The following MBNL2 variants were observed in gnomAD, a reference collection of about 807,000 sequenced individuals.
MBNL2 encodes the protein muscleblind-like protein 2.
A neutral mutation model predicts 41.9 loss-of-function variants in MBNL2; 17 were observed. That is an observed-to-expected ratio of 0.41 (90% CI 0.28 to 0.61). The LOEUF is 0.61. MBNL2 is among the 20% of genes least tolerant of loss of function. The pLI is 0.35. For synonymous variants in MBNL2, 195 were observed against 182.9 expected (o/e 1.07, Z -0.53); for missense variants, 336 against 505.6 (o/e 0.66, Z 3.22).
At chr13:97,150,564 CA>C in the MBNL2 span, among the ~76,000 whole-genome samples, 1 of 152,168 alleles carries the variant, frequency 6.6e-6, no homozygotes, top group East Asian at 1.9e-4. Flanking sequence ...TATAGTCAGG[CA>C]AATGCTTACC....
chr13:97,276,537 T>C lies in MBNL2; in HGVS notation c.174+128T>C, dbSNP rs1431484900. 4.5e-6 allele frequency: 4 copies of C among 891,558 alleles called. No homozygotes were observed. In the Admixed American group the frequency reaches 9.9e-5, roughly 22 times the overall value. 55.2% of individuals were successfully genotyped at this position (891,558 alleles called of 1,614,324 possible). ...TCTATTTTCTTGTTTGTGGTGACTG[T>C]TGGGAGATTTTTCACTCAAATTTTT... On this transcript the variant is annotated intron_variant, in intron 2 of 8. Transcript: ENST00000679496.
chr13:97,211,048 G>A, the MBNL2 span, among the ~76,000 whole-genome samples: 1 of 152,126 alleles, frequency 6.6e-6, no homozygotes, highest in Non-Finnish European at 1.5e-5. Context: ...AACATTTGAT[G>A]CATGATCTGA....
intron 1 of MBNL2, among the ~76,000 whole-genome samples, chr13:97,271,126 G>GTTT (rs796072734): frequency 8.8e-6 from 1 of 114,104 alleles, no homozygotes; most frequent in Non-Finnish European, 1.9e-5. Context: ...TTTTTTTTTT[G>GTTT]TTTTTTTTTT....
rs398070410 is a variant in MBNL2, at chr13:97,291,917, A to AAT, written c.174+15508_174+15509insAT. Among the ~76,000 whole-genome samples, 2 of 125,312 alleles carry AAT rather than the reference A, an allele frequency of 1.6e-5. 1 individual carries two copies. The highest frequency in any genetic ancestry group is 6.2e-5 in the African/African-American group (2 of 32,456). 82.2% of individuals were successfully genotyped at this position (125,312 alleles called of 152,430 possible). A position where few individuals can be genotyped will look rare whatever the true frequency, so the allele number is the denominator to read the frequency against. On this transcript the variant is annotated intron_variant, in intron 2 of 8. Transcript: ENST00000679496. ...CTCCGTCTCAAAAAAAAAAAAAAAA[A>AAT]GTGGGCTGGGTGCGGTGGCTCACGC... is the stretch of plus-strand genomic sequence containing the variant.
intron 2 of MBNL2, among the ~76,000 whole-genome samples, chr13:97,311,668 T>TTA (rs1555313043): frequency 2.6e-5 from 4 of 151,104 alleles, no homozygotes; most frequent in African/African-American, 9.7e-5. Context: ...CTTTTTTTTT[T>TTA]AAAAAAAAAC....
At chr13:97,311,304 T>C (rs1009274969) in intron 2 of MBNL2, among the ~76,000 whole-genome samples, 7 of 152,120 alleles carry the variant, frequency 4.6e-5, no homozygotes, top group Non-Finnish European at 1.0e-4. Context: ...ATCGGCTCCA[T>C]AAGAACAATC....
chr13:97,146,205 G>A, the MBNL2 span, among the ~76,000 whole-genome samples: 1 of 147,920 alleles, frequency 6.8e-6, no homozygotes, highest in African/African-American at 2.5e-5. Context: ...GTTTCACCAT[G>A]TTGGCTGGGA....
intron 2 of MBNL2, among the ~76,000 whole-genome samples, chr13:97,287,687 T>G (rs2054768935): frequency 6.8e-6 from 1 of 147,184 alleles, no homozygotes; most frequent in African/African-American, 2.6e-5. Context: ...ATTATTATGT[T>G]TATTTCTTTC....
At chr13:97,213,608 G>T in the MBNL2 span, among the ~76,000 whole-genome samples, 9 of 151,922 alleles carry the variant, frequency 5.9e-5, no homozygotes, top group African/African-American at 2.2e-4. Flanking sequence ...ATCTCACTTT[G>T]GGGATCATGT....
chr13:97,243,515 T>C (rs1035174344), intron 1 of MBNL2, among the ~76,000 whole-genome samples: 1 of 151,990 alleles, frequency 6.6e-6, no homozygotes, highest in Admixed American at 6.6e-5. Flanking sequence ...CTGGTCATGA[T>C]TTTCCAACAA....
chr13:97,383,747 C>T, intron 8 of MBNL2, among the ~76,000 whole-genome samples: 1 of 152,060 alleles, frequency 6.6e-6, no homozygotes, highest in Middle Eastern at 3.2e-3. Context: ...CAGTGTATGC[C>T]TTTTCTGTGC....
At chr13:97,174,097 T>C in the MBNL2 span, among the ~76,000 whole-genome samples, 3 of 152,236 alleles carry the variant, frequency 2.0e-5, no homozygotes, top group Admixed American at 6.5e-5. Context: ...TTCTAGAAGT[T>C]GCTTTTCTCT....
chr13:97,391,352 T>C lies in MBNL2; in HGVS notation c.1079T>C (p.Met360Thr), dbSNP rs2066389374. 2 of 1,562,384 alleles carry C rather than the reference T, an allele frequency of 1.3e-6. No individual in the cohort carries two copies. Among genetic ancestry groups the C allele is most frequent in the South Asian group, 2.2e-5 (2 of 89,836 alleles). Residue 360 changes from methionine (M) to threonine (T), a missense_variant, in exon 9 of 9, where the codon ATG becomes ACG. Coordinates refer to ENST00000679496, the MANE Select transcript of MBNL2 (RefSeq NM_001382683.1). Reference sequence around the variant, plus strand: ...TCTGAAATAATCAGCAGAAACGGAATGGAATGCCAAGAATCTGCATTGAGA... The same window carrying C: ...TCTGAAATAATCAGCAGAAACGGAACGGAATGCCAAGAATCTGCATTGAGA... ...DNSEIISRNGMECQESALRIT... is the reference protein window; with the variant it reads ...DNSEIISRNGTECQESALRIT...
chr13:97,266,507 T>G (rs1318489246), intron 1 of MBNL2, among the ~76,000 whole-genome samples: 1 of 152,214 alleles, frequency 6.6e-6, no homozygotes, highest in African/African-American at 2.4e-5. Flanking sequence ...ACCCTCCTTC[T>G]GGAGATCAAG....
intron 1 of MBNL2, among the ~76,000 whole-genome samples, chr13:97,244,501 C>A (rs769826342): frequency 1.3e-5 from 2 of 152,226 alleles, no homozygotes; most frequent in Non-Finnish European, 2.9e-5. Flanking sequence ...ATCCCCTAAC[C>A]ATTGAACTTC....
intron 1 of MBNL2, among the ~76,000 whole-genome samples, chr13:97,256,722 A>G (rs2047615870): frequency 6.6e-6 from 1 of 152,210 alleles, no homozygotes; most frequent in Admixed American, 6.5e-5. Context: ...ACAACCTGGT[A>G]GAGAGGAGGA....
chr13:97,242,442 G>A (rs1224170067), intron 1 of MBNL2, among the ~76,000 whole-genome samples: 1 of 152,186 alleles, frequency 6.6e-6, no homozygotes, highest in Non-Finnish European at 1.5e-5. Flanking sequence ...TCTGCTCAGA[G>A]GGGTTTTACA....
At chr13:97,206,690 G>T in the MBNL2 span, among the ~76,000 whole-genome samples, 1 of 152,070 alleles carries the variant, frequency 6.6e-6, no homozygotes, top group Non-Finnish European at 1.5e-5. Context: ...CTTGAGAACT[G>T]ATTGGAGCCT....
At chr13:97,206,793 A>G in the MBNL2 span, among the ~76,000 whole-genome samples, 14 of 152,206 alleles carry the variant, frequency 9.2e-5, no homozygotes, top group Admixed American at 9.2e-4. Context: ...TAATAATGAT[A>G]ATAGTGTAAT....
Sources: allele counts gnomAD v4.1 joint callset (sites outside exome capture counted in the v4.1 genomes callset), GRCh38; gene constraint gnomAD v4.1.1; transcripts MANE v1.5; gene names NCBI Gene and HGNC (gene_info 2026-07-23, HGNC 2026-07-21).